The following LHX4 variants were observed in gnomAD, a reference collection of about 807,000 sequenced individuals.
LHX4 encodes LIM/homeobox protein Lhx4.
LHX4 carries 16 observed loss-of-function variants against 39.2 expected under a neutral mutation model. That is an observed-to-expected ratio of 0.41 (90% CI 0.28 to 0.62). LHX4 has a LOEUF of 0.62. Ranked by LOEUF, LHX4 falls within the 20% of genes least tolerant of loss-of-function variation. The pLI, the probability that LHX4 is intolerant of heterozygous loss-of-function variation, is 0.33. For synonymous variants in LHX4, 206 were observed against 198.1 expected (o/e 1.04, Z -0.33); for missense variants, 439 against 511.9 (o/e 0.86, Z 1.37).
chr1:180,257,595 G>A (rs1647910902), intron 2 of LHX4, among the ~76,000 whole-genome samples: 1 of 152,186 alleles, frequency 6.6e-6, no homozygotes, highest in African/African-American at 2.4e-5. Context: ...GGAAATATTG[G>A]TACATACAGT....
intron 5 of LHX4, chr1:180,273,707 T>A (rs1363896656): frequency 5.8e-6 from 1 of 173,766 alleles, no homozygotes; most frequent in African/African-American, 2.4e-5. Context: ...AAGGATTTTG[T>A]ACAGATGTCT....
At chr1:180,263,713 T>C (rs972510136) in intron 2 of LHX4, among the ~76,000 whole-genome samples, 1 of 152,234 alleles carries the variant, frequency 6.6e-6, no homozygotes, top group Non-Finnish European at 1.5e-5. Flanking sequence ...AGATTAAATT[T>C]ATACCCCCGT....
intron 3 of LHX4, among the ~76,000 whole-genome samples, chr1:180,268,942 T>TAAA (rs1648456612): frequency 6.6e-6 from 1 of 152,202 alleles, no homozygotes; most frequent in Non-Finnish European, 1.5e-5. Context: ...TCCCATTAGC[T>TAAA]AAACAAAGGA....
chr1:180,266,538 T>C lies in LHX4; in HGVS notation c.395T>C (p.Leu132Pro). The C allele has an allele frequency of 6.2e-7, 1 of 1,614,020 alleles. No homozygotes were observed. The highest frequency in any genetic ancestry group is 2.2e-5 in the East Asian group (1 of 44,894). Residue 132 changes from leucine (L) to proline (P), a missense_variant, in exon 3 of 6, where the codon CTC becomes CCC. Coordinates refer to ENST00000263726, the MANE Select transcript of LHX4 (RefSeq NM_033343.4). The surrounding 1 kb of genome is among the most constrained non-coding windows in gnomAD (Gnocchi z 5.7). ...RQLATGDEFY[L>P]MEDGRLVCKE... ...CTGGCCACGGGGGACGAATTCTACC[T>C]CATGGAGGACGGGCGGCTGGTGTGC...
chr1:180,246,823 G>A (rs1647406275), intron 1 of LHX4, among the ~76,000 whole-genome samples: 1 of 152,218 alleles, frequency 6.6e-6, no homozygotes, highest in East Asian at 1.9e-4. Context: ...GCTGTTTCAA[G>A]GTGAGCCTCT....
intron 2 of LHX4, among the ~76,000 whole-genome samples, chr1:180,253,830 C>G (rs995233862): frequency 6.6e-6 from 1 of 152,190 alleles, no homozygotes; most frequent in African/African-American, 2.4e-5. Context: ...GCTGGCTTTC[C>G]TGGTCTCCCC....
intron 2 of LHX4, among the ~76,000 whole-genome samples, chr1:180,251,791 C>T (rs539693107): frequency 6.6e-6 from 1 of 152,338 alleles, no homozygotes; most frequent in South Asian, 2.1e-4. Context: ...GACCTACTCT[C>T]AGGGCTGGGT....
intron 1 of LHX4, among the ~76,000 whole-genome samples, chr1:180,244,626 A>G (rs976586062): frequency 6.6e-6 from 1 of 152,176 alleles, no homozygotes; most frequent in Admixed American, 6.5e-5. Flanking sequence ...CATCCCATGT[A>G]TTTGTGGCTG....
chr1:180,254,408 C>T (rs1229099547), intron 2 of LHX4, among the ~76,000 whole-genome samples: 4 of 152,250 alleles, frequency 2.6e-5, no homozygotes, highest in Admixed American at 1.3e-4. Context: ...GCCTGCCAGT[C>T]TGCAGGCCGT....
At chr1:180,242,026 A>G (rs1664453639) in intron 1 of LHX4, among the ~76,000 whole-genome samples, 1 of 151,630 alleles carries the variant, frequency 6.6e-6, no homozygotes, top group Non-Finnish European at 1.5e-5. Context: ...TATGTTGCCC[A>G]GGCTGATCTC....
chr1:180,271,785 G>A (rs753340896), intron 4 of LHX4, 50 bp from the exon 5 acceptor site: 22 of 1,603,064 alleles, frequency 1.4e-5, no homozygotes, highest in Non-Finnish European at 1.8e-5. Context: ...TGGGGGCTTT[G>A]GGTTTGTGGT....
In LHX4 at chr1:180,232,614, G is replaced by A. The variant is rs1040619236; in HGVS notation, c.76+2009G>A. Among the ~76,000 whole-genome samples the A allele has an allele frequency of 2.6e-5, 4 of 152,214 alleles. No homozygotes were observed. Among genetic ancestry groups the A allele is most frequent in the Admixed American group, 2.0e-4 (3 of 15,288 alleles). ...TGTCCGAGTTTCGTGACCTTGGTTGGAGGAGGCATCGGCCAAAATTGAGGG... is the reference window on the plus strand; with the variant it reads ...TGTCCGAGTTTCGTGACCTTGGTTGAAGGAGGCATCGGCCAAAATTGAGGG... On this transcript the variant is annotated intron_variant, in intron 1 of 5. Transcript: ENST00000263726. The surrounding 1 kb of genome is among the most constrained non-coding windows in gnomAD (Gnocchi z 5.4).
At chr1:180,235,767 G>A (rs1016703347) in intron 1 of LHX4, among the ~76,000 whole-genome samples, 3 of 152,198 alleles carry the variant, frequency 2.0e-5, no homozygotes, top group African/African-American at 4.8e-5. Flanking sequence ...GTGCGCCGCC[G>A]GGGAAGGCGA....
chr1:180,253,203 T>C (rs1480894731), intron 2 of LHX4, among the ~76,000 whole-genome samples: 1 of 152,158 alleles, frequency 6.6e-6, no homozygotes, highest in Non-Finnish European at 1.5e-5. Flanking sequence ...GCAGGTCCTA[T>C]CCAGACCATG....
chr1:180,258,238 C>A (rs948830242), intron 2 of LHX4, among the ~76,000 whole-genome samples: 4 of 152,270 alleles, frequency 2.6e-5, no homozygotes, highest in Middle Eastern at 3.4e-3. Context: ...CAGGGGTGTC[C>A]CCCTGAGCAG....
rs1433058529 is a variant in LHX4, at chr1:180,230,540, G to A, written c.11G>A (p.Ser4Asn). Residue 4 changes from serine (S) to asparagine (N), a missense_variant, in exon 1 of 6, where the codon AGT becomes AAT. Transcript: ENST00000263726. The surrounding 1 kb of genome is among the most constrained non-coding windows in gnomAD (Gnocchi z 5.8). ...GGCTTTCGCTCCGAGATGATGCAGAGTGCGACTGTCCCCGCGGAAGGGGCT... is the reference window on the plus strand; with the variant it reads ...GGCTTTCGCTCCGAGATGATGCAGAATGCGACTGTCCCCGCGGAAGGGGCT... MMQSATVPAEGAVK... is the reference protein window; with the variant it reads MMQNATVPAEGAVK... 26 of 1,613,760 alleles carry A rather than the reference G, an allele frequency of 1.6e-5. No individual in the cohort carries two copies. Among genetic ancestry groups the A allele is most frequent in the Non-Finnish European group, 1.9e-5 (23 of 1,179,952 alleles).
chr1:180,240,055 C>T (rs534035735), intron 1 of LHX4, among the ~76,000 whole-genome samples: 47 of 152,192 alleles, frequency 3.1e-4, no homozygotes, highest in Non-Finnish European at 6.3e-4. Flanking sequence ...ACAAAAAGAA[C>T]ACTTCATCCA....
Position 180,277,525 on chromosome 1 carries a change from T to G in LHX4, c.*2946T>G, listed in dbSNP as rs1404554066. The G allele has an allele frequency of 6.6e-6, 1 of 152,194 alleles. No individual in the cohort carries two copies. Among genetic ancestry groups the G allele is most frequent in the Non-Finnish European group, 1.5e-5 (1 of 68,046 alleles). The allele number at this position is 152,194 out of a possible 1,614,324, so 9.4% of individuals were successfully genotyped here. A position where few individuals can be genotyped will look rare whatever the true frequency, so the allele number is the denominator to read the frequency against. Reference sequence around the variant, plus strand: ...CCCCAAGTTCCAGTGGTAACTGGTATAAGCAAAATGGAAACTGAGGGGCTA... The same window carrying G: ...CCCCAAGTTCCAGTGGTAACTGGTAGAAGCAAAATGGAAACTGAGGGGCTA... On this transcript the variant is annotated 3_prime_UTR_variant, in exon 6 of 6. Transcript: ENST00000263726.
rs121912642 is a variant in LHX4, at chr1:180,266,393, C to T, written c.250C>T (p.Arg84Cys). The T allele has an allele frequency of 3.2e-5, 51 of 1,613,950 alleles. No individual in the cohort carries two copies. The highest frequency in any genetic ancestry group is 3.3e-5 in the South Asian group (3 of 91,086). ...AATCCTTTCCTGCTGCCCTGACAGG[C>T]GCTTCGGCACAAAATGCACGGCCTG... ...SVYCKEDFFKRFGTKCTACQQ... is the reference protein window; with the variant it reads ...SVYCKEDFFKCFGTKCTACQQ... Residue 84 changes from arginine (R) to cysteine (C), a missense_variant and splice_region_variant, in exon 3 of 6, where the codon CGC becomes TGC. Arg to Cys is a radical substitution (Grantham distance 180). Transcript: ENST00000263726. This position sits in a 1 kb window ranked among gnomAD's most constrained non-coding sequence, Gnocchi z 5.7.
Sources: allele counts gnomAD v4.1 joint callset (sites outside exome capture counted in the v4.1 genomes callset), GRCh38; gene constraint gnomAD v4.1.1; non-coding constraint Gnocchi (gnomAD v3.1); transcripts MANE v1.5; gene names NCBI Gene and HGNC (gene_info 2026-07-23, HGNC 2026-07-21).